Variants in ERCC6 observed in about 807,000 individuals in gnomAD.
ERCC6 encodes DNA excision repair protein ERCC-6.
ERCC6 carries 116 observed loss-of-function variants against 158.7 expected under a neutral mutation model. That is an observed-to-expected ratio of 0.73 (90% confidence interval 0.63 to 0.85). ERCC6 has a LOEUF of 0.85. Among genes scored for constraint, ERCC6 ranks in the 40% least tolerant of loss-of-function variants. The pLI, the probability that ERCC6 is intolerant of heterozygous loss-of-function variation, is 0.00. For missense variants in ERCC6, 1,698 were observed against 1,799.4 expected, an observed-to-expected ratio of 0.94 and a Z score of 1.02; for synonymous variants, 678 against 659.3, an observed-to-expected ratio of 1.03 and a Z score of -0.43.
intron 8 of ERCC6, chr10:49,488,054 A>T (rs1851105758): frequency 6.4e-6 from 1 of 156,400 alleles, no homozygotes; most frequent in South Asian, 2.0e-4. Flanking sequence ...CCAAACACTT[A>T]AGACAAATCA....
At chr10:49,451,422 T>C (rs947397171), downstream of ERCC6, among the ~76,000 whole-genome samples, 26 of 152,200 alleles carry the variant, frequency 1.7e-4, no homozygotes, top group African/African-American at 5.8e-4. Flanking sequence ...AGATTTTTCA[T>C]AGATGTTCTT....
the ERCC6 span, among the ~76,000 whole-genome samples, chr10:49,437,313 TAATA>T: frequency 6.6e-6 from 1 of 152,204 alleles, no homozygotes; most frequent in African/African-American, 2.4e-5. Flanking sequence ...GAAAACGGAC[TAATA>T]TATACAGCTA....
the ERCC6 span, among the ~76,000 whole-genome samples, chr10:49,441,674 G>A: frequency 6.6e-6 from 1 of 152,328 alleles, no homozygotes; most frequent in South Asian, 2.1e-4. Context: ...GTGGCAGCGG[G>A]TGCGGACGGG....
chr10:49,503,030 C>A (rs575747313), intron 6 of ERCC6: 32 of 152,296 alleles, frequency 2.1e-4, no homozygotes, highest in African/African-American at 7.0e-4. Context: ...AGATACAGAA[C>A]AACTGGACCA....
rs376040533 is a variant in ERCC6, at chr10:49,524,192, C to A, written c.1238G>T (p.Arg413Leu). Residue 413 changes from arginine to leucine, a missense_variant, in exon 5 of 21, where the codon CGG becomes CTG. Arg to Leu is a moderately radical substitution (Grantham distance 102, BLOSUM62 -2). Transcript: ENST00000355832. ...CTCCTGCACTGGCACTTTCTTCTGC[C>A]GTTTCCCGCCCTTGGGCAGAGGCTT... ...ELKPLPKGGK[R>L]QKKVPVQEID... 6.2e-7 allele frequency: 1 copy of A among 1,614,002 alleles called. No individual in the cohort carries two copies.
At chr10:49,499,888 T>A (rs1367282247) in intron 7 of ERCC6, among the ~76,000 whole-genome samples, 1 of 151,746 alleles carries the variant, frequency 6.6e-6, no homozygotes, top group African/African-American at 2.4e-5. Flanking sequence ...CCATTTTAGG[T>A]AGTCACTTAC....
At position 49,500,566 on chromosome 10, in the gene ERCC6, T is replaced by C; in HGVS notation, c.1657A>G (p.Lys553Glu). ...TAATTTGAACCACGAGTCCTGATCTTGCTGTAGCTCAGACCTGCCAAGAAG... is the reference window on the plus strand; with the variant it reads ...TAATTTGAACCACGAGTCCTGATCTCGCTGTAGCTCAGACCTGCCAAGAAG... The part of the protein sequence containing the change: ...IAFLAGLSYS[K>E]IRTRGSNYRF... Residue 553 changes from lysine (K) to glutamate (E), a missense_variant, in exon 7 of 21, where the codon AAG (lysine) becomes GAG (glutamate). By Grantham distance (56) the Lys-to-Glu change is moderately conservative. Coordinates refer to ENST00000355832, the MANE Select transcript of ERCC6 (RefSeq NM_000124.4). 1 of 1,613,956 alleles carries C rather than the reference T, an allele frequency of 6.2e-7. No individual in the cohort carries two copies. The highest frequency in any genetic ancestry group is 8.5e-7 in the Non-Finnish European group (1 of 1,179,868).
chr10:49,482,293 A>C (rs1430199390), intron 10 of ERCC6, among the ~76,000 whole-genome samples: 1 of 152,130 alleles, frequency 6.6e-6, no homozygotes. Flanking sequence ...ACTACTTTAT[A>C]AGATGCACTA....
chr10:49,486,448 A>G (rs2132556119), intron 8 of ERCC6, among the ~76,000 whole-genome samples: 1 of 152,326 alleles, frequency 6.6e-6, no homozygotes, highest in South Asian at 2.1e-4. Context: ...ATTAGTGGGT[A>G]TTAAAAAAAC....
chr10:49,527,604 G>A (rs1182419368), intron 4 of ERCC6, among the ~76,000 whole-genome samples: 1 of 152,202 alleles, frequency 6.6e-6, no homozygotes, highest in African/African-American at 2.4e-5. Flanking sequence ...GAACCCGGGA[G>A]GCAGAGGTTG....
At chr10:49,493,788 C>G (rs1851217438) in intron 7 of ERCC6, among the ~76,000 whole-genome samples, 1 of 152,206 alleles carries the variant, frequency 6.6e-6, no homozygotes, top group Non-Finnish European at 1.5e-5. Context: ...GGACAGAGGG[C>G]TGCCTAGCAG....
In ERCC6 at chr10:49,456,134, C is replaced by T. The variant is rs552400537; in HGVS notation, c.*2681G>A. The T allele has an allele frequency of 6.6e-6, 1 of 152,276 alleles. No homozygotes were observed. Among genetic ancestry groups the T allele is most frequent in the African/African-American group, 2.4e-5 (1 of 41,552 alleles). 9.4% of individuals were successfully genotyped at this position (152,276 alleles called of 1,614,324 possible). On this transcript the variant is annotated 3_prime_UTR_variant, in exon 21 of 21. Coordinates refer to ENST00000355832, the MANE Select transcript of ERCC6 (RefSeq NM_000124.4). ...AAAGCAAACTAATTGCTATAATAGA[C>T]TTCAAAAGACAGTAGCTTAAGCAAG...
rs188246668 is a variant in ERCC6, at chr10:49,511,637, G to A, written c.1398-5625C>T. ...GATGGGGTTTTGCCATATTGGCCAA[G>A]CTGGTCTCAGACTACTGACCTCAAG... On this transcript the variant is annotated intron_variant, in intron 5 of 20. Transcript: ENST00000355832. Among the ~76,000 whole-genome samples the A allele has an allele frequency of 2.8e-3, 418 of 151,678 alleles. 1 individual carries two copies. The highest frequency in any genetic ancestry group is 9.8e-3 in the African/African-American group (407 of 41,334).
intron 2 of ERCC6, among the ~76,000 whole-genome samples, chr10:49,532,194 C>T (rs1409530951): frequency 2.6e-5 from 4 of 152,122 alleles, no homozygotes; most frequent in African/African-American, 7.2e-5. Context: ...GTGAAGGGGG[C>T]GCAATGTATT....
At chr10:49,538,699 T>C (rs1321405176) in intron 1 of ERCC6, among the ~76,000 whole-genome samples, 5 of 152,164 alleles carry the variant, frequency 3.3e-5, no homozygotes, top group African/African-American at 9.7e-5. Context: ...GGGGGCCTTA[T>C]ACAAAGTCGG....
chr10:49,486,649 G>A (rs575856979), intron 8 of ERCC6, among the ~76,000 whole-genome samples: 3 of 152,160 alleles, frequency 2.0e-5, no homozygotes, highest in Non-Finnish European at 2.9e-5. Context: ...CATTTTGACA[G>A]ATATGATAGC....
chr10:49,473,408 G>A, intron 14 of ERCC6, 69 bp downstream of exon 14: 1 of 1,029,168 alleles, frequency 9.7e-7, no homozygotes. Flanking sequence ...TAAGGGTGTG[G>A]ATACGCTTAG....
rs756662155 is a variant in ERCC6 at position 49,470,288 on chromosome 10, G to A, written c.3672C>T (p.His1224=). The A allele has an allele frequency of 1.8e-5, 29 of 1,614,092 alleles. No individual in the cohort carries two copies. Among genetic ancestry groups the A allele is most frequent in the Non-Finnish European group, 2.5e-5 (29 of 1,180,008 alleles). Residue 1224 remains histidine, a synonymous_variant, in exon 18 of 21, where the codon CAC becomes CAT. Transcript: ENST00000355832. ...DAKFEGTRIP[H]LVKKRRYQKQ... ...TCTGGTAACGCCTTTTCTTCACCAG[G>A]TGTGGAATTCGAGTTCCTTCAAACT... is the stretch of plus-strand genomic sequence containing the variant.
Position 49,524,227 on chromosome 10 carries a change from G to A in ERCC6, c.1203C>T (p.Asp401=). The A allele has an allele frequency of 6.2e-7, 1 of 1,614,048 alleles. No homozygotes were observed. The highest frequency in any genetic ancestry group is 8.5e-7 in the Non-Finnish European group (1 of 1,180,006). Residue 401 remains aspartate (D), a synonymous_variant, in exon 5 of 21, where the codon GAC becomes GAT. Transcript: ENST00000355832. ...CCTTGGGCAGAGGCTTCAGCTCATAGTCAGTACCATCTCCAGACAGGTCCG... is the reference window on the plus strand; with the variant it reads ...CCTTGGGCAGAGGCTTCAGCTCATAATCAGTACCATCTCCAGACAGGTCCG... ...AEADLSGDGT[D]YELKPLPKGG...
Sources: allele counts gnomAD v4.1 joint callset (sites outside exome capture counted in the v4.1 genomes callset), GRCh38; gene constraint gnomAD v4.1.1; transcripts MANE v1.5; gene names NCBI Gene and HGNC (gene_info 2026-07-23, HGNC 2026-07-21).